The following SRPRA variants were observed in gnomAD, a reference collection of about 807,000 sequenced individuals.
SRPRA encodes signal recognition particle receptor subunit alpha.
Under a neutral mutation model 61.1 loss-of-function variants are expected in SRPRA, and 30 were observed. The observed-to-expected ratio is 0.49, with a 90% CI of 0.37 to 0.67. The LOEUF is 0.67. SRPRA is among the 30% of genes least tolerant of loss of function. SRPRA has a pLI of 0.00. For missense variants in SRPRA, 759 were observed against 828.4 expected, an observed-to-expected ratio of 0.92 and a Z score of 1.03; for synonymous variants, 324 against 299.7, an observed-to-expected ratio of 1.08 and a Z score of -0.84.
In SRPRA at chr11:126,264,537, G is replaced by C; in HGVS notation, c.1528C>G (p.Arg510Gly). The C allele has an allele frequency of 1.9e-6, 3 of 1,612,574 alleles. No homozygotes were observed. Among genetic ancestry groups the C allele is most frequent in the Non-Finnish European group, 2.5e-6 (3 of 1,179,934 alleles). Residue 510 changes from arginine (R) to glycine (G), a missense_variant and splice_region_variant, in exon 12 of 14, where the codon CGT becomes GGT. Arg to Gly is a moderately radical substitution (Grantham distance 125). Around this residue, in one of 2 missense-constraint regions of SRPRA, gnomAD observed 284 missense variants for 365.9 expected, o/e 0.78. Transcript: ENST00000332118. This position sits in a 1 kb window ranked among gnomAD's most constrained non-coding sequence, Gnocchi z 5.0. ...AGCACCACGTCAAAGCCTTGGTTAC[G>C]TGCTAGAGAAAGAAAGTAGTCAACT... The part of the protein sequence containing the change: ...GIAMEAIAFA[R>G]NQGFDVVLVD...
downstream of SRPRA, chr11:126,261,990 A>AATTAC: frequency 1.2e-6 from 1 of 864,804 alleles, no homozygotes; most frequent in Non-Finnish European, 1.8e-6. Context: ...ATTTTAAATA[A>AATTAC]ATTACAAGAT....
the SRPRA span, among the ~76,000 whole-genome samples, chr11:126,244,323 A>G: frequency 6.6e-6 from 1 of 152,222 alleles, no homozygotes; most frequent in African/African-American, 2.4e-5. This position sits in a 1 kb window ranked among gnomAD's most constrained non-coding sequence, Gnocchi z 4.5. Context: ...GTGATGATCT[A>G]GTCTATAGAA....
the SRPRA span, among the ~76,000 whole-genome samples, chr11:126,246,579 C>A: frequency 6.6e-6 from 1 of 152,046 alleles, no homozygotes; most frequent in African/African-American, 2.4e-5. Flanking sequence ...AACCCTGGGG[C>A]GGGAGGCGGT....
the SRPRA span, chr11:126,240,838 C>G: frequency 5.6e-6 from 9 of 1,613,074 alleles, no homozygotes; most frequent in Non-Finnish European, 7.6e-6. Flanking sequence ...AGAACTTGTG[C>G]TAGTGATTGG....
the SRPRA span, chr11:126,244,921 ATAT>A: frequency 6.6e-6 from 1 of 152,252 alleles, no homozygotes; most frequent in African/African-American, 2.4e-5. The surrounding 1 kb of genome is among the most constrained non-coding windows in gnomAD (Gnocchi z 4.5). Flanking sequence ...AGAAGACTTA[ATAT>A]TATTAAGATG....
At chr11:126,256,676 A>AATCT in the SRPRA span, 1 of 1,614,076 alleles carries the variant, frequency 6.2e-7, no homozygotes. This position sits in a 1 kb window ranked among gnomAD's most constrained non-coding sequence, Gnocchi z 6.6. Flanking sequence ...GTCAAGCATA[A>AATCT]ATCTGACCTA....
At chr11:126,251,760 T>G in the SRPRA span, among the ~76,000 whole-genome samples, 1 of 151,640 alleles carries the variant, frequency 6.6e-6, no homozygotes, top group Non-Finnish European at 1.5e-5. Flanking sequence ...AGAGACAGTT[T>G]CGCTCTTGTT....
the SRPRA span, chr11:126,256,817 G>C: frequency 6.2e-7 from 1 of 1,612,100 alleles, no homozygotes; most frequent in Non-Finnish European, 8.5e-7. The surrounding 1 kb of genome is among the most constrained non-coding windows in gnomAD (Gnocchi z 6.6). Flanking sequence ...TATTTCAAGC[G>C]ACTGACATGT....
At chr11:126,241,747 GC>G in the SRPRA span, among the ~76,000 whole-genome samples, 1 of 152,108 alleles carries the variant, frequency 6.6e-6, no homozygotes, top group Admixed American at 6.5e-5. Flanking sequence ...ACAGGGTTTT[GC>G]CATGTTGGTC....
Position 126,268,839 on chromosome 11 carries a change from G to A in SRPRA, c.-35C>T, listed in dbSNP as rs772876861. ...GGCAGAGGAGCTGGGGCCGGCGCCG[G>A]GAATTCAGGCCGCGTTCGCCGCCGC... On this transcript the variant is annotated 5_prime_UTR_variant, in exon 1 of 14. Coordinates refer to ENST00000332118, the MANE Select transcript of SRPRA (RefSeq NM_003139.4). 6.4e-7 allele frequency: 1 copy of A among 1,570,322 alleles called. No homozygotes were observed. The highest frequency in any genetic ancestry group is 1.7e-5 in the Admixed American group (1 of 59,734).
the SRPRA span, among the ~76,000 whole-genome samples, chr11:126,247,881 CTA>C: frequency 7.2e-5 from 10 of 138,786 alleles, no homozygotes; most frequent in Non-Finnish European, 1.1e-4. Flanking sequence ...ATATATATAT[CTA>C]TATATATATA....
chr11:126,248,504 G>A, the SRPRA span, among the ~76,000 whole-genome samples: 1 of 151,206 alleles, frequency 6.6e-6, no homozygotes, highest in African/African-American at 2.4e-5. Context: ...CCGAGTAGCT[G>A]GCACTACAGG....
At chr11:126,245,672 C>A in the SRPRA span, among the ~76,000 whole-genome samples, 1 of 151,718 alleles carries the variant, frequency 6.6e-6, no homozygotes, top group Admixed American at 6.6e-5. Flanking sequence ...TCAGCCTGGG[C>A]AACATAGTGA....
downstream of SRPRA, chr11:126,261,200 G>A (rs1034691960): frequency 1.5e-4 from 81 of 546,702 alleles, no homozygotes; most frequent in South Asian, 5.5e-4. Context: ...ACAAGCAATC[G>A]TAGTGCACTG....
chr11:126,250,315 T>C, the SRPRA span, among the ~76,000 whole-genome samples: 3 of 152,048 alleles, frequency 2.0e-5, no homozygotes, highest in Non-Finnish European at 2.9e-5. This position sits in a 1 kb window ranked among gnomAD's most constrained non-coding sequence, Gnocchi z 5.1. Context: ...ATGGTCTCGA[T>C]CTCCTGACCT....
the SRPRA span, among the ~76,000 whole-genome samples, chr11:126,257,772 C>T: frequency 6.6e-6 from 1 of 151,932 alleles, no homozygotes; most frequent in Non-Finnish European, 1.5e-5. Flanking sequence ...TTTAGAAATG[C>T]TATTTGGAAA....
At chr11:126,249,121 C>G in the SRPRA span, among the ~76,000 whole-genome samples, 1 of 152,032 alleles carries the variant, frequency 6.6e-6, no homozygotes, top group Admixed American at 6.6e-5. Flanking sequence ...ACCCATAATC[C>G]CAACACTTTG....
chr11:126,265,518 T>A lies in SRPRA; in HGVS notation c.1139-78A>T. 6.7e-7 allele frequency: 1 copy of A among 1,487,640 alleles called. No homozygotes were observed. The highest frequency in any genetic ancestry group is 9.1e-7 in the Non-Finnish European group (1 of 1,097,636). The allele number at this position is 1,487,640 out of a possible 1,614,324, so 92.2% of individuals were successfully genotyped here. A position where few individuals can be genotyped will look rare whatever the true frequency, so the allele number is the denominator to read the frequency against. On this transcript the variant is annotated intron_variant, in intron 9 of 13. Coordinates refer to ENST00000332118, the MANE Select transcript of SRPRA (RefSeq NM_003139.4). This position sits in a 1 kb window ranked among gnomAD's most constrained non-coding sequence, Gnocchi z 6.3. ...AAAAATGCCTAACACCTTTCTGAGC[T>A]AAGGGGACTAAAACAGTAAATTAGA...
chr11:126,266,804 C>G lies in SRPRA; in HGVS notation c.645G>C (p.Glu215Asp). 1 of 1,614,184 alleles carries G rather than the reference C, an allele frequency of 6.2e-7. No individual in the cohort carries two copies. Among genetic ancestry groups the G allele is most frequent in the Non-Finnish European group, 8.5e-7 (1 of 1,180,050 alleles). Residue 215 changes from glutamate to aspartate, a missense_variant, in exon 5 of 14, where the codon GAG (glutamate) becomes GAC (aspartate). Transcript: ENST00000332118. ...CCCTCCCATGCTTCTGAATGAACTC[C>G]TCGCGCTTCCTGCGGATCAGCTCCT... ...SKEELIRRKR[E>D]EFIQKHGRGM...
Sources: allele counts gnomAD v4.1 joint callset (sites outside exome capture counted in the v4.1 genomes callset), GRCh38; gene constraint gnomAD v4.1.1; regional missense constraint gnomAD v4.1.1; non-coding constraint Gnocchi (gnomAD v3.1); transcripts MANE v1.5; gene names NCBI Gene and HGNC (gene_info 2026-07-23, HGNC 2026-07-21).